Variants in OSBPL6 observed in about 807,000 individuals in gnomAD.
OSBPL6 encodes oxysterol binding protein like 6, also known as oxysterol-binding protein-related protein 6.
In OSBPL6, 49 loss-of-function variants were observed where a neutral mutation model predicts 125.8. The ratio of observed to expected loss-of-function variants is 0.39; its 90% confidence interval spans 0.31 to 0.49. OSBPL6 has a LOEUF of 0.49. OSBPL6 is among the 20% of genes least tolerant of loss of function. OSBPL6 has a pLI of 0.88. For synonymous variants in OSBPL6, 394 were observed against 391.8 expected, an observed-to-expected ratio of 1.01 and a Z score of -0.07; for missense variants, 986 against 1,135.4, an observed-to-expected ratio of 0.87 and a Z score of 1.89.
At chr2:178,217,222 G>A (rs1176917856) in intron 1 of OSBPL6, among the ~76,000 whole-genome samples, 1 of 152,178 alleles carries the variant, frequency 6.6e-6, no homozygotes, top group Non-Finnish European at 1.5e-5. Context: ...AAGGGAAAGA[G>A]GAGTGTGAGT....
At chr2:178,351,575 T>C (rs547014717) in intron 12 of OSBPL6, among the ~76,000 whole-genome samples, 14 of 152,018 alleles carry the variant, frequency 9.2e-5, no homozygotes, top group Non-Finnish European at 1.9e-4. Flanking sequence ...GTGAAAGAAA[T>C]TAAAGAGGAC....
intron 2 of OSBPL6, among the ~76,000 whole-genome samples, chr2:178,286,628 G>A (rs1684717095): frequency 6.6e-6 from 1 of 152,164 alleles, no homozygotes; most frequent in African/African-American, 2.4e-5. Flanking sequence ...TTTTCCAGAT[G>A]TGGAGGGTGT....
chr2:178,321,489 A>G (rs951929034), intron 3 of OSBPL6, among the ~76,000 whole-genome samples: 7 of 152,236 alleles, frequency 4.6e-5, no homozygotes, highest in African/African-American at 1.7e-4. Context: ...ATATAATTAC[A>G]TAACTTTAGG....
intron 12 of OSBPL6, 146 bp from the exon 13 acceptor site, chr2:178,361,536 C>A (rs1574969709): frequency 2.3e-6 from 2 of 886,236 alleles, no homozygotes; most frequent in East Asian, 2.6e-5. Context: ...ATAAAGATTC[C>A]TTTTGAAGGC....
intron 9 of OSBPL6, among the ~76,000 whole-genome samples, chr2:178,336,853 G>T (rs1239461530): frequency 6.6e-6 from 1 of 152,184 alleles, no homozygotes; most frequent in Non-Finnish European, 1.5e-5. Flanking sequence ...CACTTCCGCA[G>T]CTGCCTTCTC....
At chr2:178,241,180 T>TA (rs377129976) in intron 1 of OSBPL6, among the ~76,000 whole-genome samples, 9 of 67,590 alleles carry the variant, frequency 1.3e-4, no homozygotes, top group Non-Finnish European at 2.9e-4. Context: ...AGCACAGATA[T>TA]TTTTTTTTTT....
intron 12 of OSBPL6, among the ~76,000 whole-genome samples, chr2:178,353,720 C>T (rs530163252): frequency 2.0e-5 from 3 of 152,198 alleles, no homozygotes; most frequent in Admixed American, 6.5e-5. Flanking sequence ...AGGCCAACAT[C>T]GAGATTCAGG....
At chr2:178,280,215 A>G (rs1209026805) in intron 1 of OSBPL6, among the ~76,000 whole-genome samples, 1 of 152,162 alleles carries the variant, frequency 6.6e-6, no homozygotes, top group African/African-American at 2.4e-5. Context: ...TAAAAAAAAT[A>G]AAATTAAATA....
chr2:178,345,789 G>C (rs1690639464), intron 11 of OSBPL6, among the ~76,000 whole-genome samples: 1 of 152,126 alleles, frequency 6.6e-6, no homozygotes, highest in African/African-American at 2.4e-5. Context: ...ATCTAAGATG[G>C]CATGCAGAGA....
intron 1 of OSBPL6, among the ~76,000 whole-genome samples, chr2:178,246,529 G>A (rs1235618257): frequency 6.6e-6 from 1 of 152,130 alleles, no homozygotes; most frequent in Non-Finnish European, 1.5e-5. Flanking sequence ...TCATCAAGAA[G>A]GTGATTACTC....
chr2:178,379,426 GA>G (rs1384605083), intron 15 of OSBPL6, among the ~76,000 whole-genome samples: 2 of 148,288 alleles, frequency 1.3e-5, no homozygotes, highest in Non-Finnish European at 3.0e-5. Context: ...AGAAAGAAAA[GA>G]AAGAGAAAGA....
chr2:178,376,579 T>A (rs1693895458), intron 15 of OSBPL6, among the ~76,000 whole-genome samples: 1 of 152,076 alleles, frequency 6.6e-6, no homozygotes, highest in Non-Finnish European at 1.5e-5. Flanking sequence ...ACCTGAGTAA[T>A]CTTCCTAAAA....
intron 2 of OSBPL6, 116 bp downstream of exon 2, chr2:178,285,237 C>T (rs958363834): frequency 5.1e-6 from 2 of 394,560 alleles, no homozygotes; most frequent in South Asian, 2.9e-4. Context: ...TTCTTTATAT[C>T]TCTTATTTGT....
intron 2 of OSBPL6, among the ~76,000 whole-genome samples, chr2:178,300,237 A>T (rs1686158563): frequency 6.6e-6 from 1 of 152,166 alleles, no homozygotes; most frequent in South Asian, 2.1e-4. Flanking sequence ...AATTAGAAAA[A>T]GTGGCAGCGT....
intron 1 of OSBPL6, among the ~76,000 whole-genome samples, chr2:178,273,425 C>CA (rs2092410303): frequency 6.6e-6 from 1 of 151,958 alleles, no homozygotes; most frequent in Non-Finnish European, 1.5e-5. Flanking sequence ...CCCATCTCTA[C>CA]AAAAAATAGC....
rs182252072 is a variant in OSBPL6, at chr2:178,394,014, A to G, written c.2574-299A>G. Among the ~76,000 whole-genome samples the G allele has an allele frequency of 6.8e-4, 104 of 152,328 alleles. 1 individual carries two copies. Among genetic ancestry groups the G allele is most frequent in the Admixed American group, 6.8e-3 (104 of 15,298 alleles). On this transcript the variant is annotated intron_variant, in intron 23 of 24. Coordinates refer to ENST00000190611, the MANE Select transcript of OSBPL6 (RefSeq NM_032523.4). ...GCAGTTGTCCTGAAAATCTCAAGTT[A>G]TAGAACCCTAGACAGCATAGAAAAG...
intron 1 of OSBPL6, among the ~76,000 whole-genome samples, chr2:178,210,779 T>G (rs2089812990): frequency 6.7e-6 from 1 of 149,852 alleles, no homozygotes; most frequent in Admixed American, 6.7e-5. Context: ...CCCACTGCAC[T>G]CCAGCCTGTG....
chr2:178,320,647 A>G (rs555670533), intron 3 of OSBPL6, among the ~76,000 whole-genome samples: 5 of 152,354 alleles, frequency 3.3e-5, no homozygotes, highest in Middle Eastern at 3.4e-3. Context: ...CAAAAATTAT[A>G]CCACAAATTA....
At chr2:178,348,344 A>C (rs145159927) in intron 11 of OSBPL6, among the ~76,000 whole-genome samples, 30 of 152,252 alleles carry the variant, frequency 2.0e-4, no homozygotes, top group African/African-American at 7.2e-4. Flanking sequence ...AAATAGGGAA[A>C]AGTTGTTTGT....
Sources: allele counts gnomAD v4.1 joint callset (sites outside exome capture counted in the v4.1 genomes callset), GRCh38; gene constraint gnomAD v4.1.1; transcripts MANE v1.5; gene names NCBI Gene and HGNC (gene_info 2026-07-23, HGNC 2026-07-21).